The following CADM2 variants were observed in gnomAD, a reference collection of about 807,000 sequenced individuals.
CADM2 encodes immunoglobulin superfamily member 4D.
In CADM2, 12 loss-of-function variants were observed where a neutral mutation model predicts 49.8. The ratio of observed to expected loss-of-function variants is 0.24; its 90% confidence interval spans 0.15 to 0.39. CADM2 has a LOEUF of 0.39. Ranked by LOEUF, CADM2 falls within the 10% of genes least tolerant of loss-of-function variation. CADM2 has a pLI of 1.00. For synonymous variants in CADM2, 214 were observed against 175.4 expected, an observed-to-expected ratio of 1.22 and a Z score of -1.74; for missense variants, 378 against 492.3, an observed-to-expected ratio of 0.77 and a Z score of 2.20.
At chr3:85,290,659 G>T (rs959117636) in intron 1 of CADM2, among the ~76,000 whole-genome samples, 9 of 152,312 alleles carry the variant, frequency 5.9e-5, no homozygotes, top group African/African-American at 1.9e-4. Context: ...TAACTGGGAG[G>T]CACCCCCAGC....
chr3:86,018,084 G>T (rs1732561920), intron 8 of CADM2, among the ~76,000 whole-genome samples: 1 of 121,714 alleles, frequency 8.2e-6, no homozygotes, highest in Non-Finnish European at 1.7e-5. Flanking sequence ...GTGTCCATGT[G>T]ATCTCATTGT....
intron 7 of CADM2, among the ~76,000 whole-genome samples, chr3:85,959,789 T>C (rs192961721): frequency 6.6e-6 from 1 of 152,130 alleles, no homozygotes; most frequent in East Asian, 1.9e-4. Context: ...GTTTATAGCA[T>C]AATCAATAGG....
At chr3:85,966,033 T>C (rs190274405) in intron 8 of CADM2, among the ~76,000 whole-genome samples, 74 of 151,796 alleles carry the variant, frequency 4.9e-4, no homozygotes, top group African/African-American at 1.7e-3. Flanking sequence ...TCCCAGTGTC[T>C]CTTTTACCTC....
chr3:85,337,885 C>G (rs1370451546), intron 1 of CADM2, among the ~76,000 whole-genome samples: 1 of 151,590 alleles, frequency 6.6e-6, no homozygotes, highest in Non-Finnish European at 1.5e-5. Flanking sequence ...CATTCATATA[C>G]TCTCATATAT....
intron 8 of CADM2, among the ~76,000 whole-genome samples, chr3:86,020,003 A>C (rs9846952): frequency 0.17 from 26,540 of 151,996 alleles, 2,290 homozygotes; most frequent in South Asian, 0.24. Context: ...AACAGAACTG[A>C]AGGAAATAGA....
intron 1 of CADM2, among the ~76,000 whole-genome samples, chr3:84,992,405 C>T (rs977062348): frequency 7.6e-5 from 7 of 92,084 alleles, no homozygotes; most frequent in African/African-American, 1.4e-4. Flanking sequence ...CCGAGGCGGG[C>T]GGATCACGAG....
In CADM2 at chr3:85,983,059, C is replaced by A. The variant is rs143901491; in HGVS notation, c.970+21412C>A. Among the ~76,000 whole-genome samples, 452 of 151,782 alleles carry A rather than the reference C, an allele frequency of 3.0e-3. 1 individual carries two copies. Among genetic ancestry groups the A allele is most frequent in the Non-Finnish European group, 5.3e-3 (360 of 67,818 alleles). On this transcript the variant is annotated intron_variant, in intron 8 of 9. Coordinates refer to ENST00000383699, the MANE Select transcript of CADM2 (RefSeq NM_001167675.2). ...GTTAATATCTCCATTTACACTTTTA[C>A]AACTCCTGCTATTGCTGGATTTTTC...
chr3:85,826,266 G>A (rs1271046351), intron 3 of CADM2, among the ~76,000 whole-genome samples: 2 of 151,884 alleles, frequency 1.3e-5, no homozygotes, highest in Non-Finnish European at 2.9e-5. Context: ...GCAATTACTG[G>A]CATCTGTTAC....
chr3:85,874,400 T>C (rs149199605), intron 3 of CADM2, among the ~76,000 whole-genome samples: 29 of 152,274 alleles, frequency 1.9e-4, no homozygotes, highest in African/African-American at 6.7e-4. Flanking sequence ...AGGCAGATGT[T>C]TTTGATTCCC....
At chr3:85,738,026 G>A (rs1293015576) in intron 2 of CADM2, among the ~76,000 whole-genome samples, 1 of 152,166 alleles carries the variant, frequency 6.6e-6, no homozygotes, top group African/African-American at 2.4e-5. Flanking sequence ...AGACAAGGCA[G>A]GAATGCTATT....
At chr3:85,687,322 C>T (rs1412980536) in intron 1 of CADM2, among the ~76,000 whole-genome samples, 1 of 152,070 alleles carries the variant, frequency 6.6e-6, no homozygotes, top group Non-Finnish European at 1.5e-5. Flanking sequence ...AACATAATTA[C>T]TTTAGCCATA....
intron 2 of CADM2, among the ~76,000 whole-genome samples, chr3:85,771,054 C>T (rs543221877): frequency 1.3e-5 from 2 of 152,126 alleles, no homozygotes; most frequent in African/African-American, 2.4e-5. Flanking sequence ...ACTCCTTTCT[C>T]ATATGGATTA....
At chr3:85,215,547 G>A (rs562169798) in intron 1 of CADM2, among the ~76,000 whole-genome samples, 28 of 151,968 alleles carry the variant, frequency 1.8e-4, no homozygotes, top group African/African-American at 3.4e-4. Context: ...TGGGGTTGGC[G>A]GAGAGGTAAC....
intron 7 of CADM2, among the ~76,000 whole-genome samples, chr3:85,949,213 A>G (rs1406265931): frequency 6.6e-6 from 1 of 151,482 alleles, no homozygotes; most frequent in Non-Finnish European, 1.5e-5. Context: ...TTTAAAAAGA[A>G]AATAATAGAA....
intron 1 of CADM2, among the ~76,000 whole-genome samples, chr3:85,496,383 G>T (rs2039898425): frequency 6.6e-6 from 1 of 152,084 alleles, no homozygotes; most frequent in South Asian, 2.1e-4. Context: ...TTCATTCTTT[G>T]TATGGATGCA....
chr3:85,962,796 A>G (rs1223223015), intron 8 of CADM2, among the ~76,000 whole-genome samples: 1 of 151,946 alleles, frequency 6.6e-6, no homozygotes, highest in Non-Finnish European at 1.5e-5. Flanking sequence ...TGGGACTAGT[A>G]TTATATTCAA....
At chr3:85,594,830 G>A (rs1259610402) in intron 1 of CADM2, among the ~76,000 whole-genome samples, 1 of 151,850 alleles carries the variant, frequency 6.6e-6, no homozygotes, top group Non-Finnish European at 1.5e-5. Flanking sequence ...TATAACCTGG[G>A]GCTATGGGTT....
At chr3:85,952,100 A>G (rs1183703895) in intron 7 of CADM2, among the ~76,000 whole-genome samples, 2 of 150,978 alleles carry the variant, frequency 1.3e-5, no homozygotes, top group African/African-American at 4.8e-5. Flanking sequence ...TTATGGAAGT[A>G]ACAATGATGA....
chr3:85,164,468 G>C lies in CADM2; in HGVS notation c.61+204800G>C, dbSNP rs72907173. The stretch of plus-strand genomic sequence containing the variant: ...CCCTATCCCTTGCCCTCAATCAACT[G>C]TAAGGTATTGCTCTATTTTCAAAAT... On this transcript the variant is annotated intron_variant, in intron 1 of 9. Transcript: ENST00000383699. Among the ~76,000 whole-genome samples, 960 of 152,136 alleles carry C rather than the reference G, an allele frequency of 6.3e-3. 14 individuals are homozygous for C. The highest frequency in any genetic ancestry group is 0.021 in the African/African-American group (892 of 41,556).
Sources: allele counts gnomAD v4.1 joint callset (sites outside exome capture counted in the v4.1 genomes callset), GRCh38; gene constraint gnomAD v4.1.1; transcripts MANE v1.5; gene names NCBI Gene and HGNC (gene_info 2026-07-23, HGNC 2026-07-21).